The following MIPOL1 variants were observed in gnomAD, a reference collection of about 807,000 sequenced individuals.
MIPOL1 encodes the protein mirror-image polydactyly 1, also known as mirror-image polydactyly gene 1 protein.
A neutral mutation model predicts 60.9 loss-of-function variants in MIPOL1; 57 were observed. That is an observed-to-expected ratio of 0.94 (90% CI 0.76 to 1.17). MIPOL1 has a LOEUF of 1.17. Ranked by LOEUF, MIPOL1 falls within the 50% of genes most tolerant of loss-of-function variation. The pLI, the probability that MIPOL1 is intolerant of heterozygous loss-of-function variation, is 0.00. For synonymous variants in MIPOL1, 179 were observed against 168.8 expected, an observed-to-expected ratio of 1.06 and a Z score of -0.47; for missense variants, 551 against 511.6, an observed-to-expected ratio of 1.08 and a Z score of -0.74.
At chr14:37,332,129 C>A (rs1426271690) in intron 9 of MIPOL1, among the ~76,000 whole-genome samples, 1 of 151,488 alleles carries the variant, frequency 6.6e-6, no homozygotes, top group Admixed American at 6.6e-5. Flanking sequence ...CAGAGCGAGA[C>A]TCCTCTCAAA....
intron 9 of MIPOL1, among the ~76,000 whole-genome samples, chr14:37,336,245 C>G (rs186798070): frequency 6.6e-6 from 1 of 151,354 alleles, no homozygotes; most frequent in Admixed American, 6.6e-5. Context: ...TACTTTTAGA[C>G]CCCACTATTC....
At chr14:37,329,288 G>A (rs1227720663) in intron 9 of MIPOL1, among the ~76,000 whole-genome samples, 1 of 151,806 alleles carries the variant, frequency 6.6e-6, no homozygotes, top group East Asian at 1.9e-4. Context: ...AAACTAGAAA[G>A]TGTCCTGAGA....
At chr14:37,213,721 A>C (rs1028683973) in intron 1 of MIPOL1, among the ~76,000 whole-genome samples, 4 of 152,184 alleles carry the variant, frequency 2.6e-5, no homozygotes, top group Non-Finnish European at 4.4e-5. Context: ...AGTACAAGAA[A>C]GTTATAGAAC....
At chr14:37,364,373 GT>G (rs2092396831) in intron 9 of MIPOL1, among the ~76,000 whole-genome samples, 1 of 152,170 alleles carries the variant, frequency 6.6e-6, no homozygotes, top group Non-Finnish European at 1.5e-5. Context: ...TTAGATTTAA[GT>G]CTTTCATCCA....
At position 37,217,511 on chromosome 14, in the gene MIPOL1, C is replaced by T. The variant is rs1008352261; in HGVS notation, c.-199+19407C>T. ...AACATTCTCAACAAAATACTAAAACCGAGTTCAGCAATCCATTTGAAAGAT... is the reference window on the plus strand; with the variant it reads ...AACATTCTCAACAAAATACTAAAACTGAGTTCAGCAATCCATTTGAAAGAT... On this transcript the variant is annotated intron_variant, in intron 1 of 12. Coordinates refer to ENST00000684589, the MANE Select transcript of MIPOL1 (RefSeq NM_001388067.1). 1.7e-4 allele frequency among the ~76,000 whole-genome samples: 26 copies of T among 152,094 alleles called. 1 individual carries two copies. The highest frequency in any genetic ancestry group is 1.4e-3 in the Admixed American group (22 of 15,262).
intron 9 of MIPOL1, among the ~76,000 whole-genome samples, chr14:37,368,781 T>G (rs2092555137): frequency 6.6e-6 from 1 of 152,080 alleles, no homozygotes; most frequent in Non-Finnish European, 1.5e-5. Context: ...TATATTCAAA[T>G]GGCAAGATAT....
intron 3 of MIPOL1, among the ~76,000 whole-genome samples, chr14:37,263,700 A>T (rs1368744884): frequency 6.6e-6 from 1 of 152,190 alleles, no homozygotes; most frequent in African/African-American, 2.4e-5. Flanking sequence ...CTTTAAGTCC[A>T]TATGGATAAA....
At chr14:37,539,500 G>C (rs572617585) in intron 12 of MIPOL1, among the ~76,000 whole-genome samples, 1 of 149,322 alleles carries the variant, frequency 6.7e-6, no homozygotes, top group Admixed American at 6.6e-5. Flanking sequence ...ATTTCCCTTT[G>C]TAATGAACCA....
chr14:37,508,042 G>T (rs2095295220), intron 12 of MIPOL1, among the ~76,000 whole-genome samples: 1 of 152,036 alleles, frequency 6.6e-6, no homozygotes, highest in Non-Finnish European at 1.5e-5. Flanking sequence ...TCTTCATGAG[G>T]CTATTAGCCT....
At chr14:37,425,808 T>A (rs1465035951) in intron 11 of MIPOL1, among the ~76,000 whole-genome samples, 4 of 152,206 alleles carry the variant, frequency 2.6e-5, no homozygotes, top group African/African-American at 9.6e-5. Context: ...ACTAAGTGGT[T>A]AACTATGATA....
intron 9 of MIPOL1, among the ~76,000 whole-genome samples, chr14:37,310,738 A>G (rs1486032126): frequency 3.9e-5 from 6 of 152,038 alleles, no homozygotes; most frequent in African/African-American, 2.4e-5. Context: ...TCACCCCTGT[A>G]TTTTGGATGA....
intron 9 of MIPOL1, among the ~76,000 whole-genome samples, chr14:37,358,340 T>C (rs904503008): frequency 6.6e-6 from 1 of 152,214 alleles, no homozygotes; most frequent in African/African-American, 2.4e-5. Flanking sequence ...TTATAATCCT[T>C]TGGGTATATA....
chr14:37,234,444 G>T (rs1412395313), intron 1 of MIPOL1, among the ~76,000 whole-genome samples: 6 of 147,188 alleles, frequency 4.1e-5, no homozygotes, highest in Non-Finnish European at 7.7e-5. Flanking sequence ...ACCCACCTTG[G>T]CATCTCAACG....
chr14:37,513,665 A>G (rs1481787614), intron 12 of MIPOL1, among the ~76,000 whole-genome samples: 2 of 152,156 alleles, frequency 1.3e-5, no homozygotes, highest in Non-Finnish European at 2.9e-5. Flanking sequence ...CCCTAATAAG[A>G]TAGATCCTTT....
intron 9 of MIPOL1, among the ~76,000 whole-genome samples, chr14:37,366,242 G>A (rs118036578): frequency 0.023 from 3,419 of 151,766 alleles, 64 homozygotes; most frequent in Non-Finnish European, 0.035. Context: ...AAGATGCATT[G>A]TTAGGTTGTT....
chr14:37,369,026 T>C (rs1407337481), intron 9 of MIPOL1, among the ~76,000 whole-genome samples: 2 of 152,044 alleles, frequency 1.3e-5, no homozygotes, highest in Admixed American at 6.6e-5. Context: ...CTATTGCTTT[T>C]TTCCCTATAA....
In MIPOL1 at chr14:37,530,157, G is replaced by A. The variant is rs1566781798; in HGVS notation, c.1263-16748G>A. On this transcript the variant is annotated intron_variant, in intron 12 of 12. Transcript: ENST00000684589. ...AGAAATTCATATCAGAAACATTATC[G>A]ACAAAATGTGATTCAATGACCAACT... is the stretch of plus-strand genomic sequence containing the variant. 3.3e-5 allele frequency among the ~76,000 whole-genome samples: 5 copies of A among 152,058 alleles called. No homozygotes were observed. The South Asian group carries it at 6.2e-4, about 19-fold the overall frequency.
chr14:37,354,008 A>G (rs1407092650), intron 9 of MIPOL1, among the ~76,000 whole-genome samples: 1 of 150,746 alleles, frequency 6.6e-6, no homozygotes, highest in Admixed American at 6.6e-5. Context: ...TAGGGTGTCA[A>G]TTTTGGATCT....
At chr14:37,245,692 G>T (rs1973091448) in intron 1 of MIPOL1, among the ~76,000 whole-genome samples, 1 of 152,056 alleles carries the variant, frequency 6.6e-6, no homozygotes, top group South Asian at 2.1e-4. Context: ...TGCATTTTTT[G>T]AAGAAGTAAA....
Sources: allele counts gnomAD v4.1 joint callset (sites outside exome capture counted in the v4.1 genomes callset), GRCh38; gene constraint gnomAD v4.1.1; transcripts MANE v1.5; gene names NCBI Gene and HGNC (gene_info 2026-07-23, HGNC 2026-07-21).